The following CATSPERE variants were observed in gnomAD, a reference collection of about 807,000 sequenced individuals.
The protein encoded by CATSPERE is cation channel sperm-associated auxiliary subunit epsilon.
CATSPERE carries 93 observed loss-of-function variants against 114.1 expected under a neutral mutation model. The ratio of observed to expected loss-of-function variants is 0.81; its 90% CI spans 0.69 to 0.97. The LOEUF is 0.97. Among genes scored for constraint, CATSPERE ranks in the 50% least tolerant of loss-of-function variants. The pLI, the probability that CATSPERE is intolerant of heterozygous loss-of-function variation, is 0.00. For synonymous variants in CATSPERE, 341 were observed against 384.1 expected (o/e 0.89, Z 1.31); for missense variants, 1,058 against 1,131.6 (o/e 0.93, Z 0.93).
At chr1:244,453,892 C>T (rs1036380378), upstream of CATSPERE, among the ~76,000 whole-genome samples, 1 of 152,024 alleles carries the variant, frequency 6.6e-6, no homozygotes, top group Non-Finnish European at 1.5e-5. Context: ...GGGGGGGTCT[C>T]ATTTGGCTCT....
chr1:244,585,697 C>G (rs1197306604), intron 13 of CATSPERE, among the ~76,000 whole-genome samples: 6 of 152,142 alleles, frequency 3.9e-5, no homozygotes, highest in African/African-American at 1.4e-4. Flanking sequence ...GAAGTTAGGC[C>G]CTTGCTAAAC....
At chr1:244,602,118 G>A (rs77493227) in intron 17 of CATSPERE, among the ~76,000 whole-genome samples, 15,318 of 152,176 alleles carry the variant, frequency 0.1, 865 homozygotes, top group South Asian at 0.14. Context: ...TACTGGAACA[G>A]CACTATTTGG....
chr1:244,583,813 C>A (rs770232090), intron 12 of CATSPERE, 51 bp from the exon 13 acceptor site: 12 of 1,525,392 alleles, frequency 7.9e-6, no homozygotes, highest in Non-Finnish European at 1.1e-5. Context: ...AAGACAGTGT[C>A]ATGCCTGTCT....
chr1:244,605,879 G>A, intron 18 of CATSPERE, 85 bp downstream of exon 18: 6 of 920,914 alleles, frequency 6.5e-6, no homozygotes, highest in South Asian at 3.9e-5. Flanking sequence ...AGCGATCTAA[G>A]GAAAATAGAA....
chr1:244,610,927 AT>A (rs1400249821), intron 19 of CATSPERE, among the ~76,000 whole-genome samples: 2 of 151,694 alleles, frequency 1.3e-5, no homozygotes, highest in African/African-American at 2.4e-5. Flanking sequence ...CGCCTGGCTA[AT>A]TTTTGTGTTT....
At position 244,624,001 on chromosome 1, in the gene CATSPERE, G is replaced by A. The variant is rs996785196; in HGVS notation, c.2648+6315G>A. 1.9e-4 allele frequency among the ~76,000 whole-genome samples: 29 copies of A among 151,978 alleles called. 1 individual carries two copies. Among genetic ancestry groups the A allele is most frequent in the South Asian group, 8.3e-4 (4 of 4,812 alleles). ...TTTTGAGACGGAGTCTCACTCTGTC[G>A]CCCAGGCTGGAGTGCAGTGGCGCAA... On this transcript the variant is annotated intron_variant, in intron 20 of 21. Transcript: ENST00000366534.
At chr1:244,497,497 A>G (rs1478936710) in intron 6 of CATSPERE, among the ~76,000 whole-genome samples, 5 of 152,228 alleles carry the variant, frequency 3.3e-5, no homozygotes, top group Non-Finnish European at 5.9e-5. Context: ...TGCAGATTTA[A>G]ACTATACTGC....
chr1:244,486,809 C>G (rs1233133422), intron 5 of CATSPERE, among the ~76,000 whole-genome samples: 2 of 81,120 alleles, frequency 2.5e-5, no homozygotes, highest in Admixed American at 1.2e-4. Flanking sequence ...AGGTGTAGAC[C>G]CTCGTAGTCA....
rs545320746 is a variant in CATSPERE at position 244,593,436 on chromosome 1, A to C, written c.2223+8A>C. The C allele has an allele frequency of 1.2e-6, 2 of 1,613,488 alleles. No homozygotes were observed. The highest frequency in any genetic ancestry group is 1.7e-5 in the Admixed American group (1 of 60,006). ...CAGCCATCGAAAAACTTGGTAAGAA[A>C]ATGATAAAATTCTGTCAATGGACCA... On this transcript the variant is annotated splice_region_variant and intron_variant, in intron 16 of 21. Coordinates refer to ENST00000366534, the MANE Select transcript of CATSPERE (RefSeq NM_001130957.2).
intron 12 of CATSPERE, 69 bp downstream of exon 12, chr1:244,581,923 T>A: frequency 1.5e-6 from 1 of 663,258 alleles, no homozygotes. Context: ...TTTGTGGGTG[T>A]TCTTTTATTT....
chr1:244,534,889 G>C (rs3005973), intron 8 of CATSPERE, among the ~76,000 whole-genome samples: 151,227 of 152,326 alleles, frequency 0.99, 75,078 homozygotes, highest in Middle Eastern at 1. Context: ...ACAGTCTGAG[G>C]TTGTCTTTAC....
intron 7 of CATSPERE, among the ~76,000 whole-genome samples, chr1:244,509,278 TA>T (rs1380453221): frequency 6.6e-6 from 1 of 151,800 alleles, no homozygotes; most frequent in Non-Finnish European, 1.5e-5. Flanking sequence ...TTTTTTTTTT[TA>T]TCATGAAGAG....
At chr1:244,542,093 C>A (rs1404650484) in intron 8 of CATSPERE, among the ~76,000 whole-genome samples, 7 of 148,584 alleles carry the variant, frequency 4.7e-5, no homozygotes, top group African/African-American at 1.7e-4. Flanking sequence ...ACCAGCATGG[C>A]ACATGTATAC....
chr1:244,609,135 G>A (rs1017797093), intron 18 of CATSPERE, among the ~76,000 whole-genome samples: 9 of 151,918 alleles, frequency 5.9e-5, no homozygotes, highest in African/African-American at 1.2e-4. Context: ...GCAGTGAGCC[G>A]AGATTGTACC....
intron 17 of CATSPERE, among the ~76,000 whole-genome samples, chr1:244,604,265 A>G (rs1669676886): frequency 2.0e-5 from 3 of 152,256 alleles, no homozygotes; most frequent in South Asian, 4.1e-4. Flanking sequence ...CTAGCTAGTC[A>G]TGCCTGTTTG....
In CATSPERE at chr1:244,512,063, G is replaced by C. The variant is rs144243196; in HGVS notation, c.430-6529G>C. On this transcript the variant is annotated intron_variant, in intron 7 of 21. Coordinates refer to ENST00000366534, the MANE Select transcript of CATSPERE (RefSeq NM_001130957.2). ...CTATTTGGAGATCTTTGAGCTTCCT[G>C]TACCTGGATATCTATATATCTTGCA... Among the ~76,000 whole-genome samples, 14 of 152,166 alleles carry C rather than the reference G, an allele frequency of 9.2e-5. 1 individual carries two copies. Among genetic ancestry groups the C allele is most frequent in the Non-Finnish European group, 1.5e-4 (10 of 68,022 alleles).
At chr1:244,580,002 T>G (rs948685746) in intron 11 of CATSPERE, among the ~76,000 whole-genome samples, 1 of 152,136 alleles carries the variant, frequency 6.6e-6, no homozygotes, top group Non-Finnish European at 1.5e-5. Flanking sequence ...CTACTCCTAC[T>G]GCTACCATCA....
At chr1:244,477,810 A>G in intron 3 of CATSPERE, 96 bp from the exon 4 acceptor site, 1 of 1,058,316 alleles carries the variant, frequency 9.4e-7, no homozygotes, top group Non-Finnish European at 1.4e-6. Flanking sequence ...TCTTATCAGC[A>G]TACAATTGAA....
chr1:244,558,119 A>G lies in CATSPERE; in HGVS notation c.1030-2549A>G, dbSNP rs535525605. Among the ~76,000 whole-genome samples, 14 of 141,916 alleles carry G rather than the reference A, an allele frequency of 9.9e-5. No individual in the cohort carries two copies. The South Asian group carries it at 3.0e-3, about 30-fold the overall frequency. 93.1% of individuals were successfully genotyped at this position (141,916 alleles called of 152,430 possible). A position where few individuals can be genotyped will look rare whatever the true frequency, so the allele number is the denominator to read the frequency against. On this transcript the variant is annotated intron_variant, in intron 9 of 21. Transcript: ENST00000366534. ...GCATGAGCCACCATGCCCAGGCCCA[A>G]TTATTTCTCTCTCTCTCTCTTTTTT... is the stretch of plus-strand genomic sequence containing the variant.
Sources: allele counts gnomAD v4.1 joint callset (sites outside exome capture counted in the v4.1 genomes callset), GRCh38; gene constraint gnomAD v4.1.1; transcripts MANE v1.5; gene names NCBI Gene and HGNC (gene_info 2026-07-23, HGNC 2026-07-21).